WNT2: variants seen among roughly 807,000 people sequenced by gnomAD.
The protein encoded by WNT2 is Wnt family member 2.
In WNT2, 12 loss-of-function variants were observed where a neutral mutation model predicts 36.9. The ratio of observed to expected loss-of-function variants is 0.33; its 90% CI spans 0.21 to 0.53. The LOEUF (loss-of-function observed/expected upper bound fraction) is 0.53. Among genes scored for constraint, WNT2 ranks in the 20% least tolerant of loss-of-function variants. WNT2 has a pLI of 0.95. For missense variants in WNT2, 379 were observed against 473.1 expected, an observed-to-expected ratio of 0.80 and a Z score of 1.84; for synonymous variants, 163 against 174.6, an observed-to-expected ratio of 0.93 and a Z score of 0.52.
At chr7:117,320,247 T>G (rs983870168) in intron 2 of WNT2, among the ~76,000 whole-genome samples, 1 of 152,198 alleles carries the variant, frequency 6.6e-6, no homozygotes, top group Non-Finnish European at 1.5e-5. Context: ...AAAAGAGACT[T>G]GTGGCTCCTC....
intron 2 of WNT2, among the ~76,000 whole-genome samples, chr7:117,318,752 T>TC (rs1795267512): frequency 2.0e-5 from 3 of 152,198 alleles, no homozygotes; most frequent in Non-Finnish European, 2.9e-5. Flanking sequence ...CCTCAAGTGA[T>TC]CTGCCCACCT....
At chr7:117,310,293 C>T (rs1022311333) in intron 3 of WNT2, among the ~76,000 whole-genome samples, 10 of 152,202 alleles carry the variant, frequency 6.6e-5, no homozygotes, top group Admixed American at 5.9e-4. Context: ...GGCTGGGTGC[C>T]GTGGCTCAAG....
Position 117,277,999 on chromosome 7 carries a change from T to C in WNT2, c.*156A>G. 1.3e-6 allele frequency: 1 copy of C among 779,920 alleles called. No homozygotes were observed. The highest frequency in any genetic ancestry group is 2.0e-6 in the Non-Finnish European group (1 of 489,968). 48.3% of individuals were successfully genotyped at this position (779,920 alleles called of 1,614,324 possible). On this transcript the variant is annotated 3_prime_UTR_variant, in exon 5 of 5. Coordinates refer to ENST00000265441, the MANE Select transcript of WNT2 (RefSeq NM_003391.3). ...TTAGGTGCAGCGTGTGGCCCCCCCA[T>C]CCTGGGGCCCCCAGGGAGGAAGAGG...
intron 3 of WNT2, among the ~76,000 whole-genome samples, chr7:117,298,205 G>C (rs1013906012): frequency 6.6e-6 from 1 of 152,158 alleles, no homozygotes; most frequent in African/African-American, 2.4e-5. Context: ...TAAATAAATA[G>C]AGCTTTATTA....
chr7:117,293,720 A>G (rs1001085024), intron 4 of WNT2, among the ~76,000 whole-genome samples: 1 of 151,978 alleles, frequency 6.6e-6, no homozygotes, highest in African/African-American at 2.4e-5. Context: ...GGCCTTTCCT[A>G]ATGCAATAGG....
At chr7:117,287,067 G>A (rs543694112) in intron 4 of WNT2, among the ~76,000 whole-genome samples, 6 of 152,284 alleles carry the variant, frequency 3.9e-5, no homozygotes, top group South Asian at 4.2e-4. Flanking sequence ...AGTTACTCTC[G>A]GCCGGGCACG....
At chr7:117,318,877 G>T (rs1431867279) in intron 2 of WNT2, among the ~76,000 whole-genome samples, 1 of 152,158 alleles carries the variant, frequency 6.6e-6, no homozygotes, top group East Asian at 1.9e-4. Flanking sequence ...TCAAGATTAA[G>T]TTACAGTATT....
chr7:117,300,486 T>C (rs1473474703), intron 3 of WNT2, among the ~76,000 whole-genome samples: 1 of 152,084 alleles, frequency 6.6e-6, no homozygotes, highest in Non-Finnish European at 1.5e-5. Context: ...TACCTGGCCA[T>C]GTTTCTTCAC....
At chr7:117,304,715 C>T (rs1407078206) in intron 3 of WNT2, among the ~76,000 whole-genome samples, 3 of 152,196 alleles carry the variant, frequency 2.0e-5, no homozygotes, top group Non-Finnish European at 4.4e-5. Context: ...GGATTACAGG[C>T]GTGAGCCACC....
intron 3 of WNT2, among the ~76,000 whole-genome samples, chr7:117,314,759 C>T (rs887980241): frequency 3.9e-5 from 6 of 152,186 alleles, no homozygotes; most frequent in African/African-American, 1.4e-4. Context: ...AAGCACTATC[C>T]TAACCCACAG....
intron 3 of WNT2, among the ~76,000 whole-genome samples, chr7:117,308,348 A>G (rs958311215): frequency 1.3e-5 from 2 of 152,244 alleles, no homozygotes; most frequent in African/African-American, 2.4e-5. Context: ...ATTCAAGAAC[A>G]TTACCGTTGA....
intron 4 of WNT2, among the ~76,000 whole-genome samples, chr7:117,282,070 G>A (rs1794498990): frequency 6.6e-6 from 1 of 152,154 alleles, no homozygotes; most frequent in Admixed American, 6.5e-5. Flanking sequence ...GTAGATATCT[G>A]CACAAGGTTT....
Position 117,276,521 on chromosome 7 carries a change from G to T in WNT2, c.*1634C>A, listed in dbSNP as rs1342758305. ...GATGAATTCTGACATTTTTAAGAGG[G>T]CTGGAGGCAAATGTTAACTATGGCA... On this transcript the variant is annotated 3_prime_UTR_variant, in exon 5 of 5. Coordinates refer to ENST00000265441, the MANE Select transcript of WNT2 (RefSeq NM_003391.3). 6.6e-6 allele frequency: 1 copy of T among 152,204 alleles called. No homozygotes were observed. The highest frequency in any genetic ancestry group is 2.4e-5 in the African/African-American group (1 of 41,454). 9.4% of individuals were successfully genotyped at this position (152,204 alleles called of 1,614,324 possible).
intron 3 of WNT2, among the ~76,000 whole-genome samples, chr7:117,312,859 G>A (rs1178645109): frequency 6.6e-6 from 1 of 152,146 alleles, no homozygotes; most frequent in African/African-American, 2.4e-5. Context: ...CGTTATGAAT[G>A]GCAGTGATGA....
intron 4 of WNT2, among the ~76,000 whole-genome samples, chr7:117,283,404 G>T (rs559701797): frequency 6.6e-6 from 1 of 152,346 alleles, no homozygotes; most frequent in Admixed American, 6.5e-5. Context: ...CCATGCATTA[G>T]AATTCTTTAT....
At chr7:117,310,537 T>G (rs1795101367) in intron 3 of WNT2, among the ~76,000 whole-genome samples, 1 of 145,600 alleles carries the variant, frequency 6.9e-6, no homozygotes, top group Non-Finnish European at 1.5e-5. Context: ...GAGCCGAGAT[T>G]GTGCCACCGC....
Position 117,284,424 on chromosome 7 carries a change from C to T in WNT2, c.854-6040G>A, listed in dbSNP as rs1348717358. Among the ~76,000 whole-genome samples the T allele has an allele frequency of 6.6e-6, 1 of 152,144 alleles. No individual in the cohort carries two copies. Among genetic ancestry groups the T allele is most frequent in the Non-Finnish European group, 1.5e-5 (1 of 68,026 alleles). ...TTACCAACTGCCTATTTGTTTAGTT[C>T]TAAATCTTTGGGACACATACTTTTA... On this transcript the variant is annotated intron_variant, in intron 4 of 4. Transcript: ENST00000265441. This position sits in a 1 kb window ranked among gnomAD's most constrained non-coding sequence, Gnocchi z 5.2.
At chr7:117,306,215 C>A (rs966255197) in intron 3 of WNT2, among the ~76,000 whole-genome samples, 1 of 151,800 alleles carries the variant, frequency 6.6e-6, no homozygotes, top group Non-Finnish European at 1.5e-5. Flanking sequence ...TTTTCTATTA[C>A]TACAATTTTA....
intron 3 of WNT2, among the ~76,000 whole-genome samples, chr7:117,300,332 G>A (rs1445917050): frequency 3.3e-5 from 5 of 152,132 alleles, no homozygotes; most frequent in African/African-American, 1.2e-4. Flanking sequence ...GACTACAGGC[G>A]CGGGTCACCA....
Sources: gnomAD v4.1 joint callset for allele counts (sites outside exome capture counted in the v4.1 genomes callset) on GRCh38, gnomAD v4.1.1 for gene constraint, Gnocchi (gnomAD v3.1) non-coding constraint, MANE v1.5 for transcripts, NCBI Gene and HGNC (gene_info 2026-07-23, HGNC 2026-07-21) for gene names.